Variants in USF2 observed in about 807,000 individuals in gnomAD.
USF2 encodes upstream stimulatory factor 2.
In USF2, 16 loss-of-function variants were observed where a neutral mutation model predicts 46.9. The ratio of observed to expected loss-of-function variants is 0.34; its 90% CI spans 0.23 to 0.52. USF2 has a LOEUF of 0.52. Ranked by LOEUF, USF2 falls within the 20% of genes least tolerant of loss-of-function variation. The pLI, the probability that USF2 is intolerant of heterozygous loss-of-function variation, is 0.96. For missense variants in USF2, 411 were observed against 474.0 expected (o/e 0.87, Z 1.23); for synonymous variants, 239 against 194.1 (o/e 1.23, Z -1.92).
chr19:35,270,900 A>G (rs534625827), intron 6 of USF2, 95 bp downstream of exon 6: 92 of 1,504,478 alleles, frequency 6.1e-5, no homozygotes, highest in Admixed American at 8.6e-5. Context: ...AAGTGGGCAC[A>G]TGGTGTAATG....
intron 7 of USF2, 50 bp from the exon 8 acceptor site, chr19:35,278,648 T>A: frequency 6.3e-7 from 1 of 1,597,076 alleles, no homozygotes; most frequent in Non-Finnish European, 8.6e-7. Context: ...GGACGGCCGC[T>A]CAGGCATGAT....
intron 7 of USF2, among the ~76,000 whole-genome samples, chr19:35,274,085 C>T (rs2066198397): frequency 1.3e-5 from 2 of 152,236 alleles, no homozygotes; most frequent in Admixed American, 6.5e-5. Flanking sequence ...GTGTTTCCAT[C>T]CATTCCCTTC....
intron 6 of USF2, 108 bp from the exon 7 acceptor site, chr19:35,270,975 A>C (rs779038850): frequency 8.0e-6 from 12 of 1,499,570 alleles, no homozygotes; most frequent in Non-Finnish European, 1.1e-5. Flanking sequence ...TTGTTTTTGC[A>C]GATGGATTTA....
chr19:35,271,241 C>A, intron 7 of USF2, 100 bp downstream of exon 7: 1 of 1,460,982 alleles, frequency 6.8e-7, no homozygotes, highest in Non-Finnish European at 9.5e-7. Flanking sequence ...CACTCCTGGG[C>A]AGGCCACAAG....
Position 35,269,854 on chromosome 19 carries a change from G to C in USF2, c.280G>C (p.Asp94His). Residue 94 changes from aspartate to histidine, a missense_variant, in exon 4 of 10, where the codon GAC (aspartate) becomes CAC (histidine). Physicochemically the swap from Asp to His is moderately conservative, Grantham distance 81. Coordinates refer to ENST00000222305, the MANE Select transcript of USF2 (RefSeq NM_003367.4). ...TGATGGTCAGCTGGACGGCCAGGGCGACACAGCTGGCGCCGTCAGCGTCGT... is the reference window on the plus strand; with the variant it reads ...TGATGGTCAGCTGGACGGCCAGGGCCACACAGCTGGCGCCGTCAGCGTCGT... ...VTDGQLDGQG[D>H]TAGAVSVVST... The C allele has an allele frequency of 7.0e-7, 1 of 1,432,252 alleles. No homozygotes were observed. The highest frequency in any genetic ancestry group is 1.5e-5 in the South Asian group (1 of 66,412). The allele number at this position is 1,432,252 out of a possible 1,614,324, so 88.7% of individuals were successfully genotyped here.
At position 35,269,146 on chromosome 19, in the gene USF2, C is replaced by T. The variant is rs2066098483; in HGVS notation, c.45C>T (p.Thr15=). ...DPGLDPAASA[T]AAAAASHDKG... ...GTCTGGATCCCGCTGCCTCGGCCACCGCTGCTGCCGCCGCCAGGTAAGATC... is the reference window on the plus strand; with the variant it reads ...GTCTGGATCCCGCTGCCTCGGCCACTGCTGCTGCCGCCGCCAGGTAAGATC... The change falls in exon 1 of 10, where the codon ACC becomes ACT. Residue 15 remains threonine (T), a synonymous_variant. Transcript: ENST00000222305. 9.9e-7 allele frequency: 1 copy of T among 1,014,024 alleles called. No individual in the cohort carries two copies. The highest frequency in any genetic ancestry group is 1.2e-6 in the Non-Finnish European group (1 of 842,914). The allele number at this position is 1,014,024 out of a possible 1,614,324, so 62.8% of individuals were successfully genotyped here.
At chr19:35,272,359 G>A (rs1222350229) in intron 7 of USF2, among the ~76,000 whole-genome samples, 1 of 152,122 alleles carries the variant, frequency 6.6e-6, no homozygotes, top group Non-Finnish European at 1.5e-5. Context: ...GTGCTCTGAA[G>A]GGCTCTTCGA....
intron 6 of USF2, 129 bp downstream of exon 6, chr19:35,270,934 C>G: frequency 7.0e-7 from 1 of 1,422,516 alleles, no homozygotes; most frequent in Non-Finnish European, 9.8e-7. Context: ...CCTGTTTCTG[C>G]TGCTCTAGTG....
chr19:35,272,171 C>T (rs551842833), intron 7 of USF2, among the ~76,000 whole-genome samples: 1 of 152,252 alleles, frequency 6.6e-6, no homozygotes, highest in East Asian at 1.9e-4. Context: ...ACCAGCCCCC[C>T]TTTTGCGTCC....
intron 7 of USF2, among the ~76,000 whole-genome samples, chr19:35,273,884 T>C (rs1475922784): frequency 6.6e-6 from 1 of 152,242 alleles, no homozygotes; most frequent in East Asian, 1.9e-4. Context: ...GCCTCAGGTG[T>C]ATGACTTGTG....
intron 6 of USF2, 100 bp downstream of exon 6, chr19:35,270,905 G>A: frequency 1.3e-6 from 2 of 1,498,426 alleles, no homozygotes; most frequent in East Asian, 2.3e-5. Context: ...GGCACATGGT[G>A]TAATGTTTTT....
chr19:35,278,821 G>T (rs201354338), intron 8 of USF2, 29 bp downstream of exon 8: 2 of 1,613,274 alleles, frequency 1.2e-6, no homozygotes, highest in Admixed American at 1.7e-5. Context: ...CAGTGTCTGC[G>T]GTGGTCCCGG....
At chr19:35,270,121 C>T (rs969362138) in intron 4 of USF2, 118 bp downstream of exon 4, 7 of 1,185,238 alleles carry the variant, frequency 5.9e-6, no homozygotes, top group African/African-American at 4.8e-5. Context: ...TGCCTTCAGG[C>T]CTCAGGCTGC....
intron 1 of USF2, 102 bp downstream of exon 1, chr19:35,269,265 G>A (rs1323580889): frequency 3.2e-6 from 3 of 945,674 alleles, no homozygotes; most frequent in Non-Finnish European, 2.5e-6. Flanking sequence ...CGCGGGCCCG[G>A]CTCAAAATGG....
chr19:35,270,856 G>C, intron 6 of USF2, 51 bp downstream of exon 6: 1 of 1,607,832 alleles, frequency 6.2e-7, no homozygotes, highest in South Asian at 1.1e-5. Flanking sequence ...GAAGGAAGAG[G>C]GGTTTCTGGA....
In USF2 at chr19:35,269,139, CG is replaced by C; in HGVS notation, c.40del (p.Ala14ProfsTer64). 1.0e-6 allele frequency: 1 copy of C among 977,386 alleles called. No individual in the cohort carries two copies. The allele number at this position is 977,386 out of a possible 1,614,324, so 60.5% of individuals were successfully genotyped here. ...GACCCGGGTCTGGATCCCGCTGCCT[CG>C]GCCACCGCTGCTGCCGCCGCCAGGT... The part of the protein sequence containing the change: ...MLDPGLDPAA[S>X]ATAAAAASHD... On this transcript the variant is annotated frameshift_variant, in exon 1 of 10. Transcript: ENST00000222305. LOFTEE classifies it high-confidence loss of function.
chr19:35,270,185 A>AT (rs762634417), intron 4 of USF2, 182 bp downstream of exon 4: 638 of 937,392 alleles, frequency 6.8e-4, no homozygotes, highest in South Asian at 1.2e-3. Flanking sequence ...TGCTCTTGGA[A>AT]TTTTTTTTTC....
Position 35,279,034 on chromosome 19 carries a change from C to T in USF2, c.911C>T (p.Ala304Val). ...NQRMQETFKE[A>V]ERLQMDNELL... Reference sequence around the variant, plus strand: ...CGCATGCAGGAGACCTTCAAAGAGGCCGAGCGGCTGCAGATGGACAACGAG... The same window carrying T: ...CGCATGCAGGAGACCTTCAAAGAGGTCGAGCGGCTGCAGATGGACAACGAG... Residue 304 changes from alanine to valine, a missense_variant, in exon 9 of 10, where the codon GCC (alanine) becomes GTC (valine). Coordinates refer to ENST00000222305, the MANE Select transcript of USF2 (RefSeq NM_003367.4). 2 of 1,594,018 alleles carry T rather than the reference C, an allele frequency of 1.3e-6. No homozygotes were observed. The highest frequency in any genetic ancestry group is 1.7e-6 in the Non-Finnish European group (2 of 1,169,734).
chr19:35,269,146 C>A lies in USF2; in HGVS notation c.45C>A (p.Thr15=). 3 of 1,014,022 alleles carry A rather than the reference C, an allele frequency of 3.0e-6. No homozygotes were observed. The highest frequency in any genetic ancestry group is 3.3e-5 in the South Asian group (1 of 30,462). The allele number at this position is 1,014,022 out of a possible 1,614,324, so 62.8% of individuals were successfully genotyped here. Residue 15 remains threonine, a synonymous_variant, in exon 1 of 10, where the codon ACC becomes ACA. Transcript: ENST00000222305. ...GTCTGGATCCCGCTGCCTCGGCCAC[C>A]GCTGCTGCCGCCGCCAGGTAAGATC... The part of the protein sequence containing the change: ...DPGLDPAASA[T]AAAAASHDKG...
Sources: allele counts gnomAD v4.1 joint callset (sites outside exome capture counted in the v4.1 genomes callset), GRCh38; gene constraint gnomAD v4.1.1; transcripts MANE v1.5; gene names NCBI Gene and HGNC (gene_info 2026-07-23, HGNC 2026-07-21).